TBC1D5: variants seen among roughly 807,000 people sequenced by gnomAD.
The protein encoded by TBC1D5 is TBC1 domain family member 5.
Under a neutral mutation model 100.3 loss-of-function variants are expected in TBC1D5, and 75 were observed. The observed-to-expected ratio is 0.75, with a 90% CI of 0.62 to 0.91. The LOEUF (loss-of-function observed/expected upper bound fraction) is 0.91, where lower values mean the gene tolerates loss of function less well. Ranked by LOEUF, TBC1D5 falls within the 40% of genes least tolerant of loss-of-function variation. TBC1D5 has a pLI of 0.00. For missense variants in TBC1D5, 910 were observed against 942.4 expected (o/e 0.97, Z 0.45); for synonymous variants, 323 against 325.6 (o/e 0.99, Z 0.09).
chr3:17,620,423 A>C (rs1418418305), intron 2 of TBC1D5, among the ~76,000 whole-genome samples: 1 of 152,370 alleles, frequency 6.6e-6, no homozygotes, highest in Middle Eastern at 3.4e-3. Context: ...AGCATAAGAG[A>C]TTGGTTGAAG....
chr3:17,641,583 C>A (rs1360061578), intron 1 of TBC1D5, among the ~76,000 whole-genome samples: 2 of 152,104 alleles, frequency 1.3e-5, no homozygotes, highest in Admixed American at 6.6e-5. Flanking sequence ...ATTTGCTACG[C>A]ACCTTCCTCC....
intron 18 of TBC1D5, among the ~76,000 whole-genome samples, chr3:17,194,485 A>G (rs184415362): frequency 1.8e-4 from 27 of 152,330 alleles, no homozygotes; most frequent in African/African-American, 6.3e-4. Context: ...GTAAACACAA[A>G]CATTTATACA....
chr3:17,475,751 T>TCTTA (rs944459571), intron 3 of TBC1D5, among the ~76,000 whole-genome samples: 4 of 152,250 alleles, frequency 2.6e-5, no homozygotes, highest in African/African-American at 9.6e-5. Flanking sequence ...TAAACAATGT[T>TCTTA]CTTACACACA....
chr3:17,560,663 C>T (rs1424655032), intron 2 of TBC1D5, among the ~76,000 whole-genome samples: 1 of 151,548 alleles, frequency 6.6e-6, no homozygotes, highest in Non-Finnish European at 1.5e-5. Flanking sequence ...TGGCTCACAC[C>T]TGTAATCCCA....
At chr3:17,173,938 G>A (rs1316646764) in intron 19 of TBC1D5, among the ~76,000 whole-genome samples, 1 of 152,150 alleles carries the variant, frequency 6.6e-6, no homozygotes, top group East Asian at 1.9e-4. Flanking sequence ...AGGGATGTCT[G>A]TGCACAGGGT....
At chr3:17,667,868 T>A (rs1006151423) in intron 1 of TBC1D5, among the ~76,000 whole-genome samples, 5 of 151,072 alleles carry the variant, frequency 3.3e-5, no homozygotes, top group African/African-American at 7.3e-5. Flanking sequence ...ATTAGTCTGA[T>A]TTTTTTTTCA....
chr3:17,694,062 G>A (rs2071607361), intron 1 of TBC1D5, among the ~76,000 whole-genome samples: 1 of 151,912 alleles, frequency 6.6e-6, no homozygotes, highest in African/African-American at 2.4e-5. Flanking sequence ...CAACAAAAAG[G>A]ACATCTACAC....
chr3:17,428,585 G>T, intron 3 of TBC1D5, 66 bp from the exon 4 acceptor site: 2 of 839,284 alleles, frequency 2.4e-6, no homozygotes, highest in Non-Finnish European at 1.7e-6. Context: ...GAAAAACTGT[G>T]TGAAAGCTCT....
intron 19 of TBC1D5, among the ~76,000 whole-genome samples, chr3:17,170,722 T>A (rs931750136): frequency 6.6e-6 from 1 of 152,050 alleles, no homozygotes; most frequent in Non-Finnish European, 1.5e-5. Context: ...CACAAAGCTC[T>A]CTTTAGAGGC....
In TBC1D5 at chr3:17,286,401, G is replaced by T. The variant is rs2081193916; in HGVS notation, c.1245+5494C>A. On this transcript the variant is annotated intron_variant, in intron 15 of 21. Coordinates refer to ENST00000253692, the Ensembl canonical transcript of TBC1D5. ...CTAATTGGGTTTTAACATTTTTTTTGAATGTGAGCAACTAGCTAGAACAAT... is the reference window on the plus strand; with the variant it reads ...CTAATTGGGTTTTAACATTTTTTTTTAATGTGAGCAACTAGCTAGAACAAT... Among the ~76,000 whole-genome samples the T allele has an allele frequency of 5.3e-5, 8 of 151,934 alleles. No individual in the cohort carries two copies. In the South Asian group the frequency reaches 1.2e-3, roughly 24 times the overall value.
intron 1 of TBC1D5, among the ~76,000 whole-genome samples, chr3:17,737,725 C>A (rs558712761): frequency 6.7e-6 from 1 of 149,944 alleles, no homozygotes; most frequent in African/African-American, 2.5e-5. Context: ...TCATCACTAG[C>A]AAAAAAGTAA....
At chr3:17,379,635 A>G (rs76837057) in intron 9 of TBC1D5, among the ~76,000 whole-genome samples, 4,462 of 152,128 alleles carry the variant, frequency 0.029, 219 homozygotes, top group African/African-American at 0.1. Context: ...TGACTATACA[A>G]TAGTCCCTCA....
intron 15 of TBC1D5, among the ~76,000 whole-genome samples, chr3:17,288,309 G>C (rs1174066772): frequency 6.6e-6 from 1 of 152,182 alleles, no homozygotes; most frequent in Non-Finnish European, 1.5e-5. Context: ...GACCTCGTTA[G>C]TTCATTGTAA....
At chr3:17,670,637 A>G (rs1415165095) in intron 1 of TBC1D5, among the ~76,000 whole-genome samples, 1 of 152,218 alleles carries the variant, frequency 6.6e-6, no homozygotes, top group East Asian at 1.9e-4. Flanking sequence ...TCTTTAGCAT[A>G]CTAATCATCT....
At chr3:17,180,571 T>C (rs1027847601) in intron 19 of TBC1D5, among the ~76,000 whole-genome samples, 2 of 152,148 alleles carry the variant, frequency 1.3e-5, no homozygotes, top group Admixed American at 6.5e-5. Flanking sequence ...GTGCTACATA[T>C]ATAAAATGGA....
intron 1 of TBC1D5, among the ~76,000 whole-genome samples, chr3:17,632,369 C>A (rs1048369523): frequency 6.6e-6 from 1 of 152,126 alleles, no homozygotes; most frequent in Non-Finnish European, 1.5e-5. Flanking sequence ...TGAGATGGAA[C>A]CTGCTCCTTG....
chr3:17,703,332 T>A (rs916214418), intron 1 of TBC1D5, among the ~76,000 whole-genome samples: 1 of 152,056 alleles, frequency 6.6e-6, no homozygotes, highest in African/African-American at 2.4e-5. Context: ...CATATATAGA[T>A]ACATCCATGC....
intron 13 of TBC1D5, chr3:17,337,527 G>T (rs1052458309): frequency 6.6e-6 from 1 of 152,104 alleles, no homozygotes; most frequent in Non-Finnish European, 1.5e-5. Context: ...TTAACACAGC[G>T]GAAATATGGC....
chr3:17,167,034 T>C (rs1051779286), intron 20 of TBC1D5, 106 bp from the exon 22 acceptor site: 1 of 1,055,268 alleles, frequency 9.5e-7, no homozygotes, highest in Admixed American at 3.3e-5. Flanking sequence ...TCAATCATTT[T>C]TTATAGTATG....
Sources: allele counts gnomAD v4.1 joint callset (sites outside exome capture counted in the v4.1 genomes callset), GRCh38; gene constraint gnomAD v4.1.1; transcripts MANE v1.5; gene names NCBI Gene and HGNC (gene_info 2026-07-23, HGNC 2026-07-21).